HMGN5: variants seen among roughly 807,000 people sequenced by gnomAD.
HMGN5 encodes high mobility group nucleosome-binding domain-containing protein 5.
A neutral mutation model predicts 9.5 loss-of-function variants in HMGN5; 4 were observed. That is an observed-to-expected ratio of 0.42 (90% confidence interval 0.21 to 0.96). HMGN5 has a LOEUF of 0.96. HMGN5 is among the 40% of genes least tolerant of loss of function. HMGN5 has a pLI of 0.30. For missense variants in HMGN5, 192 were observed against 187.5 expected, an observed-to-expected ratio of 1.02 and a Z score of -0.14; for synonymous variants, 55 against 57.1, an observed-to-expected ratio of 0.96 and a Z score of 0.16.
At chrX:81,119,860 TA>T in intron 2 of HMGN5, 43 bp from the exon 3 acceptor site, 1 of 1,087,270 alleles carries the variant, frequency 9.2e-7, no homozygotes, top group Non-Finnish European at 1.3e-6. Flanking sequence ...GTCATTGATA[TA>T]AACACATAAA....
At chrX:81,130,392 G>A (rs2075295291) in intron 1 of HMGN5, among the ~76,000 whole-genome samples, 1 of 111,604 alleles carries the variant, frequency 9.0e-6, no homozygotes. Context: ...CTGGTCCTCA[G>A]TATACAGATG....
chrX:81,126,381 C>G (rs2075283612), intron 1 of HMGN5, among the ~76,000 whole-genome samples: 1 of 111,155 alleles, frequency 9.0e-6, no homozygotes, highest in Admixed American at 9.6e-5. Flanking sequence ...TGGATCCTCA[C>G]TCATCTATGA....
At position 81,121,653 on chromosome X, in the gene HMGN5, A is replaced by C; in HGVS notation, c.-104T>G. On this transcript the variant is annotated 5_prime_UTR_variant, in exon 2 of 7. Coordinates refer to ENST00000358130, the MANE Select transcript of HMGN5 (RefSeq NM_030763.3). The stretch of plus-strand genomic sequence containing the variant: ...AATGAGTTTTCAATGAACTAACTGC[A>C]GCACGACCTGTACTCTCCTCTGGAA... 1.8e-6 allele frequency: 1 copy of C among 562,581 alleles called. No individual in the cohort carries two copies. The highest frequency in any genetic ancestry group is 2.9e-6 in the Non-Finnish European group (1 of 345,176). The allele number at this position is 562,581 out of a possible 1,213,427, so 46.4% of individuals were successfully genotyped here.
At chrX:81,153,307 C>T (rs1016581067) in intron 1 of HMGN5, among the ~76,000 whole-genome samples, 21 of 106,617 alleles carry the variant, frequency 2.0e-4, no homozygotes, top group Admixed American at 1.2e-3. Context: ...AATCCCAGCA[C>T]TTTGGAAGGC....
At chrX:81,179,551 G>C (rs2075454316) in intron 1 of HMGN5, among the ~76,000 whole-genome samples, 1 of 111,548 alleles carries the variant, frequency 9.0e-6, no homozygotes, top group Admixed American at 9.5e-5. Flanking sequence ...TGAAATAAAA[G>C]AGGACACAAA....
intron 1 of HMGN5, among the ~76,000 whole-genome samples, chrX:81,137,270 A>G (rs750256092): frequency 9.0e-6 from 1 of 111,707 alleles, no homozygotes; most frequent in Non-Finnish European, 1.9e-5. Context: ...ACATGAGAAC[A>G]GCAGAACACA....
chrX:81,123,099 C>T (rs1302316830), intron 1 of HMGN5, among the ~76,000 whole-genome samples: 1 of 111,472 alleles, frequency 9.0e-6, no homozygotes, highest in Admixed American at 9.6e-5. Context: ...AAGAGATAAA[C>T]ACTGTATCTG....
rs2075472026 is a variant in HMGN5, at chrX:81,184,575, T to C, written c.-124+17162A>G. 2.7e-5 allele frequency among the ~76,000 whole-genome samples: 3 copies of C among 111,169 alleles called. No individual in the cohort carries two copies. In the Admixed American group the frequency reaches 2.9e-4, roughly 11 times the overall value. On this transcript the variant is annotated intron_variant, in intron 1 of 6. Coordinates refer to ENST00000358130, the MANE Select transcript of HMGN5 (RefSeq NM_030763.3). ...TTTTATTGATTTTTTTTTTTTGTTT[T>C]GCTTTGTTTTGTCTTTGTTTTTGTT...
intron 1 of HMGN5, among the ~76,000 whole-genome samples, chrX:81,149,119 C>T (rs1281921484): frequency 1.8e-5 from 2 of 111,547 alleles, no homozygotes; most frequent in African/African-American, 3.3e-5. Flanking sequence ...CCAGCAATCT[C>T]ATTACTAGGT....
Position 81,121,652 on chromosome X carries a change from C to A in HMGN5, c.-103G>T, listed in dbSNP as rs1199050875. On this transcript the variant is annotated 5_prime_UTR_variant, in exon 2 of 7. Transcript: ENST00000358130. ...AAATGAGTTTTCAATGAACTAACTG[C>A]AGCACGACCTGTACTCTCCTCTGGA... 1.8e-6 allele frequency: 1 copy of A among 560,214 alleles called. No individual in the cohort carries two copies. Among genetic ancestry groups the A allele is most frequent in the Non-Finnish European group, 2.9e-6 (1 of 343,556 alleles). 46.2% of individuals were successfully genotyped at this position (560,214 alleles called of 1,213,427 possible).
At chrX:81,157,208 A>G (rs894242899) in intron 1 of HMGN5, among the ~76,000 whole-genome samples, 1 of 111,943 alleles carries the variant, frequency 8.9e-6, no homozygotes, top group Non-Finnish European at 1.9e-5. Flanking sequence ...CTAAAGCAGG[A>G]GGGCTTAGCT....
At chrX:81,115,558 G>A (rs1217497170) in intron 6 of HMGN5, among the ~76,000 whole-genome samples, 2 of 111,958 alleles carry the variant, frequency 1.8e-5, no homozygotes, top group Non-Finnish European at 3.8e-5. Context: ...TTCTGTATCA[G>A]CAATTCTTAA....
At chrX:81,143,230 C>A (rs1467233732) in intron 1 of HMGN5, among the ~76,000 whole-genome samples, 1 of 111,005 alleles carries the variant, frequency 9.0e-6, no homozygotes, top group Non-Finnish European at 1.9e-5. Flanking sequence ...AAGAGAACAC[C>A]AAGAAACAAC....
Position 81,173,110 on chromosome X carries a change from A to G in HMGN5, c.-124+28627T>C, listed in dbSNP as rs758340412. Among the ~76,000 whole-genome samples the G allele has an allele frequency of 3.3e-3, 365 of 111,350 alleles. 2 individuals are homozygous for G. Among genetic ancestry groups the G allele is most frequent in the African/African-American group, 0.011 (348 of 30,858 alleles). On this transcript the variant is annotated intron_variant, in intron 1 of 6. Transcript: ENST00000358130. Reference sequence around the variant, plus strand: ...TGTTTGGATTAATAAAATATTAGAAATAACTCAAATGTACATCACAGAGAA... The same window carrying G: ...TGTTTGGATTAATAAAATATTAGAAGTAACTCAAATGTACATCACAGAGAA...
At chrX:81,190,203 G>T (rs1490955176) in intron 1 of HMGN5, among the ~76,000 whole-genome samples, 1 of 111,692 alleles carries the variant, frequency 9.0e-6, no homozygotes, top group Non-Finnish European at 1.9e-5. Context: ...TATCGGATAT[G>T]TCTTTTGTAA....
intron 1 of HMGN5, among the ~76,000 whole-genome samples, chrX:81,150,330 G>A (rs1192399926): frequency 3.6e-5 from 4 of 111,475 alleles, no homozygotes; most frequent in Admixed American, 2.9e-4. Flanking sequence ...TTGGGAGGCC[G>A]AGGCGGGTGG....
chrX:81,184,388 A>G lies in HMGN5; in HGVS notation c.-124+17349T>C, dbSNP rs186657676. ...CCTTCCCAGAAACTGAGCAGATGCC[A>G]GAATCATGCTTCCTGTATGGCCTTC... On this transcript the variant is annotated intron_variant, in intron 1 of 6. Coordinates refer to ENST00000358130, the MANE Select transcript of HMGN5 (RefSeq NM_030763.3). 2.4e-4 allele frequency among the ~76,000 whole-genome samples: 27 copies of G among 111,768 alleles called. No individual in the cohort carries two copies. In the East Asian group the frequency reaches 7.6e-3, roughly 32 times the overall value.
Position 81,177,367 on chromosome X carries a change from C to CAAAAAAAAAAAAAA in HMGN5, c.-124+24356_-124+24369dup, listed in dbSNP as rs148090852. Among the ~76,000 whole-genome samples, 31 of 10,680 alleles carry CAAAAAAAAAAAAAA rather than the reference C, an allele frequency of 2.9e-3. 3 individuals carry two copies. Among genetic ancestry groups the CAAAAAAAAAAAAAA allele is most frequent in the East Asian group, 4.1e-3 (1 of 241 alleles). 9.3% of individuals were successfully genotyped at this position (10,680 alleles called of 115,157 possible). ...GAAGATCTACCAAGCAAATGGAAAGCAAAAAAAAAAAAAAAAAAAAAAAAA... is the reference window on the plus strand; with the variant it reads ...GAAGATCTACCAAGCAAATGGAAAGCAAAAAAAAAAAAAAAAAAAAAAAAAAAAAAAAAAAAAAA... On this transcript the variant is annotated intron_variant, in intron 1 of 6. Coordinates refer to ENST00000358130, the MANE Select transcript of HMGN5 (RefSeq NM_030763.3).
chrX:81,151,369 AGTCAG>A (rs1347840885), intron 1 of HMGN5, among the ~76,000 whole-genome samples: 5 of 111,665 alleles, frequency 4.5e-5, no homozygotes, highest in African/African-American at 1.3e-4. Flanking sequence ...TATAGTTTGA[AGTCAG>A]GTAGCATGAT....
Sources: allele counts gnomAD v4.1 joint callset (sites outside exome capture counted in the v4.1 genomes callset), GRCh38; gene constraint gnomAD v4.1.1; transcripts MANE v1.5; gene names NCBI Gene and HGNC (gene_info 2026-07-23, HGNC 2026-07-21).